EFCAB3: variants seen among roughly 807,000 people sequenced by gnomAD.
EFCAB3 encodes the protein EF-hand calcium-binding domain-containing protein 3.
EFCAB3 carries 36 observed loss-of-function variants against 42.2 expected under a neutral mutation model. The ratio of observed to expected loss-of-function variants is 0.85; its 90% confidence interval spans 0.65 to 1.13. The LOEUF is 1.13. EFCAB3 is among the 50% of genes most tolerant of loss of function. EFCAB3 has a pLI of 0.00. For missense variants in EFCAB3, 418 were observed against 505.1 expected (o/e 0.83, Z 1.65); for synonymous variants, 170 against 172.8 (o/e 0.98, Z 0.13).
intron 1 of EFCAB3, chr17:62,381,657 C>T (rs776632390): frequency 3.5e-5 from 7 of 198,560 alleles, no homozygotes; most frequent in Non-Finnish European, 6.2e-5. Context: ...CCTCCGTAGA[C>T]GCCCGCCCCC....
intron 9 of EFCAB3, among the ~76,000 whole-genome samples, chr17:62,414,622 G>A (rs1250313390): frequency 1.3e-5 from 2 of 151,464 alleles, no homozygotes; most frequent in Non-Finnish European, 2.9e-5. Flanking sequence ...TTTAAATAAG[G>A]TCAACTTTTA....
At position 62,416,100 on chromosome 17, in the gene EFCAB3, G is replaced by T. The variant is rs371568533; in HGVS notation, c.1088G>T (p.Gly363Val). The T allele has an allele frequency of 6.2e-7, 1 of 1,613,832 alleles. No individual in the cohort carries two copies. The highest frequency in any genetic ancestry group is 1.3e-5 in the African/African-American group (1 of 74,906). The stretch of plus-strand genomic sequence containing the variant: ...CAGAAGATCCGAGGGGATTTGATTG[G>T]GATGGACTCTAGAAATGAGTCCTTT... ...LWQKIRGDLI[G>V]MDSRNESFYD... Residue 363 changes from glycine (G) to valine (V), a missense_variant, in exon 10 of 10, where the codon GGG (glycine) becomes GTG (valine). By Grantham distance (109) the Gly-to-Val change is moderately radical. Transcript: ENST00000305286.
chr17:62,401,163 A>T (rs2144097553), intron 6 of EFCAB3, among the ~76,000 whole-genome samples: 1 of 152,244 alleles, frequency 6.6e-6, no homozygotes. Context: ...AATTTGTTTA[A>T]GTTCTTTGTA....
chr17:62,396,687 G>A (rs1313057979), intron 6 of EFCAB3, among the ~76,000 whole-genome samples: 1 of 152,004 alleles, frequency 6.6e-6, no homozygotes, highest in Non-Finnish European at 1.5e-5. Flanking sequence ...AAGGCCAGAA[G>A]CTCCATACCA....
upstream of EFCAB3, among the ~76,000 whole-genome samples, chr17:62,377,589 A>G (rs1013026579): frequency 6.6e-6 from 1 of 152,248 alleles, no homozygotes; most frequent in Non-Finnish European, 1.5e-5. Context: ...AGAAATATCT[A>G]TCTCATTAAA....
chr17:62,378,655 G>T (rs2070169032), upstream of EFCAB3, among the ~76,000 whole-genome samples: 1 of 151,856 alleles, frequency 6.6e-6, no homozygotes, highest in Non-Finnish European at 1.5e-5. Context: ...AGCCATCACT[G>T]CACCACCGCA....
chr17:62,407,763 C>T (rs142790625), intron 8 of EFCAB3, among the ~76,000 whole-genome samples: 326 of 152,270 alleles, frequency 2.1e-3, no homozygotes, highest in African/African-American at 7.1e-3. Flanking sequence ...GCAACTATGC[C>T]CAAGTTTCTA....
chr17:62,375,963 A>G (rs2070146931), upstream of EFCAB3, among the ~76,000 whole-genome samples: 1 of 152,076 alleles, frequency 6.6e-6, no homozygotes, highest in Non-Finnish European at 1.5e-5. Context: ...TTTATCAAAC[A>G]TATACATTTC....
In EFCAB3 at chr17:62,416,093, T is replaced by G. The variant is rs761469742; in HGVS notation, c.1081T>G (p.Leu361Val). The change falls in exon 10 of 10, where the codon TTG becomes GTG. Residue 361 changes from leucine (L) to valine (V), a missense_variant. Physicochemically the swap from Leu to Val is conservative, Grantham distance 32. Coordinates refer to ENST00000305286, the MANE Select transcript of EFCAB3 (RefSeq NM_173503.4). The part of the protein sequence containing the change: ...LNLWQKIRGD[L>V]IGMDSRNESF... Reference sequence around the variant, plus strand: ...CCTCTGGCAGAAGATCCGAGGGGATTTGATTGGGATGGACTCTAGAAATGA... The same window carrying G: ...CCTCTGGCAGAAGATCCGAGGGGATGTGATTGGGATGGACTCTAGAAATGA... 1.2e-6 allele frequency: 2 copies of G among 1,613,992 alleles called. No homozygotes were observed. Among genetic ancestry groups the G allele is most frequent in the Non-Finnish European group, 1.7e-6 (2 of 1,179,860 alleles).
At chr17:62,402,775 G>A (rs1480423929) in intron 6 of EFCAB3, among the ~76,000 whole-genome samples, 2 of 152,220 alleles carry the variant, frequency 1.3e-5, no homozygotes, top group African/African-American at 2.4e-5. Context: ...TCTCTGCCAG[G>A]CTTTGGTATC....
At chr17:62,381,927 A>AC in intron 1 of EFCAB3, 1 of 323,482 alleles carries the variant, frequency 3.1e-6, no homozygotes. Context: ...TGCTGGTTCC[A>AC]CCCCCGCTGC....
chr17:62,383,197 C>T (rs1197889244), intron 2 of EFCAB3, 144 bp downstream of exon 2: 1 of 705,624 alleles, frequency 1.4e-6, no homozygotes, highest in Non-Finnish European at 2.3e-6. Flanking sequence ...GATTATTGGC[C>T]AGATGCAGTG....
chr17:62,399,691 T>C (rs2070384407), intron 6 of EFCAB3, among the ~76,000 whole-genome samples: 1 of 152,094 alleles, frequency 6.6e-6, no homozygotes, highest in Non-Finnish European at 1.5e-5. Context: ...TCACTCTCAC[T>C]ACCTTTGGGT....
intron 1 of EFCAB3, 103 bp downstream of exon 1, chr17:62,380,716 G>A (rs1393380928): frequency 3.6e-6 from 2 of 555,408 alleles, no homozygotes; most frequent in African/African-American, 2.1e-5. Context: ...TTATTTTGAG[G>A]TATGGGGATG....
intron 5 of EFCAB3, 36 bp downstream of exon 5, chr17:62,393,680 C>A: frequency 1.3e-6 from 2 of 1,562,074 alleles, no homozygotes; most frequent in Non-Finnish European, 1.8e-6. Context: ...GGCAGTTGGG[C>A]AGCTACAACT....
chr17:62,412,662 G>A lies in EFCAB3; in HGVS notation c.868-1070G>A, dbSNP rs569428198. On this transcript the variant is annotated intron_variant, in intron 8 of 9. Coordinates refer to ENST00000305286, the MANE Select transcript of EFCAB3 (RefSeq NM_173503.4). ...GTATTTTTAGTAGAGATGGGGTTTC[G>A]CCATGTTGGCTGGTCTTGAACTCCT... Among the ~76,000 whole-genome samples the A allele has an allele frequency of 1.5e-4, 23 of 151,486 alleles. No individual in the cohort carries two copies. The South Asian group carries it at 4.8e-3, about 32-fold the overall frequency.
chr17:62,406,760 A>T, intron 7 of EFCAB3, 87 bp downstream of exon 7: 1 of 1,429,028 alleles, frequency 7.0e-7, no homozygotes, highest in African/African-American at 1.4e-5. Context: ...CCCAAATGGC[A>T]TAAGAACAGG....
chr17:62,390,819 C>T (rs532858669), intron 3 of EFCAB3, among the ~76,000 whole-genome samples: 17 of 152,140 alleles, frequency 1.1e-4, no homozygotes, highest in African/African-American at 4.1e-4. Context: ...TACATAGAGA[C>T]GCTGAGACTT....
At chr17:62,415,220 A>G (rs953950386) in intron 9 of EFCAB3, among the ~76,000 whole-genome samples, 1 of 152,154 alleles carries the variant, frequency 6.6e-6, no homozygotes, top group African/African-American at 2.4e-5. Flanking sequence ...GTATCCTCCA[A>G]CCATTCTCCA....
Sources: allele counts gnomAD v4.1 joint callset (sites outside exome capture counted in the v4.1 genomes callset), GRCh38; gene constraint gnomAD v4.1.1; transcripts MANE v1.5; gene names NCBI Gene and HGNC (gene_info 2026-07-23, HGNC 2026-07-21).